Variants in ZNF91 observed in about 807,000 individuals in gnomAD.
ZNF91 encodes the protein zinc finger protein 91 (HPF7, HTF10).
In ZNF91, 7 loss-of-function variants were observed where a neutral mutation model predicts 12.6. That is an observed-to-expected ratio of 0.55 (90% CI 0.31 to 1.04). The LOEUF is 1.04. Ranked by LOEUF, ZNF91 falls within the 50% of genes least tolerant of loss-of-function variation. The pLI, the probability that ZNF91 is intolerant of heterozygous loss-of-function variation, is 0.05. For missense variants in ZNF91, 1,217 were observed against 1,385.4 expected (o/e 0.88, Z 1.93); for synonymous variants, 453 against 462.6 (o/e 0.98, Z 0.27).
intron 3 of ZNF91, among the ~76,000 whole-genome samples, chr19:23,368,548 C>CTATATATA (rs1197913888): frequency 1.4e-5 from 1 of 73,622 alleles, no homozygotes; most frequent in Admixed American, 1.2e-4. Flanking sequence ...CTCTCTCTCT[C>CTATATATA]TCTCTCTCTC....
chr19:23,340,781 AAACT>A (rs1479557125), intron 3 of ZNF91, among the ~76,000 whole-genome samples: 2 of 147,730 alleles, frequency 1.4e-5, no homozygotes, highest in Admixed American at 6.7e-5. Context: ...AATGGAAATC[AAACT>A]AAAAGTTTTG....
intron 1 of ZNF91, among the ~76,000 whole-genome samples, chr19:23,330,840 G>C (rs1967916648): frequency 6.6e-6 from 1 of 152,112 alleles, no homozygotes; most frequent in Non-Finnish European, 1.5e-5. Flanking sequence ...AAATAACTCA[G>C]AGTTTTTGCC....
chr19:23,388,264 A>G (rs1969942604), intron 1 of ZNF91, among the ~76,000 whole-genome samples: 1 of 152,074 alleles, frequency 6.6e-6, no homozygotes, highest in Non-Finnish European at 1.5e-5. Flanking sequence ...AATAAAATAT[A>G]TAATAAAAAA....
Position 23,359,734 on chromosome 19 carries a change from T to C in ZNF91, c.3245A>G (p.Glu1082Gly), listed in dbSNP as rs929618422. The C allele has an allele frequency of 6.8e-6, 11 of 1,614,068 alleles. No individual in the cohort carries two copies. The highest frequency in any genetic ancestry group is 7.6e-6 in the Non-Finnish European group (9 of 1,180,026). ...HTREKPYKCE[E>G]CGKAFSQSST... ...AGATTGGCTAAATGCTTTGCCACATTCTTCACATTTGTAGGGTTTCTCTCT... is the reference window on the plus strand; with the variant it reads ...AGATTGGCTAAATGCTTTGCCACATCCTTCACATTTGTAGGGTTTCTCTCT... Residue 1082 changes from glutamate to glycine, a missense_variant, in exon 4 of 4, where the codon GAA (glutamate) becomes GGA (glycine). Transcript: ENST00000300619.
chr19:23,322,723 C>T (rs935608725), intron 1 of ZNF91, among the ~76,000 whole-genome samples: 10 of 139,898 alleles, frequency 7.1e-5, no homozygotes, highest in Non-Finnish European at 1.1e-4. Flanking sequence ...CTCCTCCTCT[C>T]CTCATCTCTT....
At chr19:23,378,621 C>T (rs1969588590) in intron 1 of ZNF91, among the ~76,000 whole-genome samples, 1 of 152,054 alleles carries the variant, frequency 6.6e-6, no homozygotes, top group African/African-American at 2.4e-5. Context: ...GTATTCTTAG[C>T]AGGGCATAAA....
upstream of ZNF91, among the ~76,000 whole-genome samples, chr19:23,313,217 C>T (rs1452751639): frequency 1.3e-5 from 2 of 152,224 alleles, no homozygotes; most frequent in Non-Finnish European, 2.9e-5. Flanking sequence ...CTGGCCAGCA[C>T]CTGAGTGATT....
intron 3 of ZNF91, among the ~76,000 whole-genome samples, chr19:23,368,562 C>CTCTATATA (rs768532900): frequency 6.6e-4 from 78 of 118,610 alleles, no homozygotes; most frequent in East Asian, 2.5e-3. Context: ...CTCTCTCTCT[C>CTCTATATA]TATATATATA....
downstream of ZNF91, among the ~76,000 whole-genome samples, chr19:23,336,261 A>C (rs1968005681): frequency 6.6e-6 from 1 of 152,228 alleles, no homozygotes; most frequent in Non-Finnish European, 1.5e-5. Flanking sequence ...GTTTAGGAGC[A>C]GAGGTTTAAT....
At chr19:23,317,109 G>A (rs1967579578) in intron 1 of ZNF91, among the ~76,000 whole-genome samples, 1 of 151,666 alleles carries the variant, frequency 6.6e-6, no homozygotes, top group Non-Finnish European at 1.5e-5. Context: ...GCAGTGGCGC[G>A]ATCTTGGCTC....
downstream of ZNF91, among the ~76,000 whole-genome samples, chr19:23,336,580 C>A (rs1179094998): frequency 6.6e-6 from 1 of 152,192 alleles, no homozygotes; most frequent in East Asian, 1.9e-4. Flanking sequence ...CAGGTAGCTC[C>A]TTTTCCTATT....
chr19:23,308,281 G>A (rs1056034245), intron 2 of ZNF91: 1 of 152,088 alleles, frequency 6.6e-6, no homozygotes, highest in African/African-American at 2.4e-5. Context: ...ATACCCACAG[G>A]AAAGATTATA....
At chr19:23,376,534 C>T (rs1969510797) in intron 1 of ZNF91, among the ~76,000 whole-genome samples, 1 of 152,028 alleles carries the variant, frequency 6.6e-6, no homozygotes, top group African/African-American at 2.4e-5. Context: ...TGATTACAGG[C>T]ATGCATCACC....
At chr19:23,369,860 A>AAC (rs1327935444) in intron 3 of ZNF91, among the ~76,000 whole-genome samples, 1 of 151,406 alleles carries the variant, frequency 6.6e-6, no homozygotes, top group Non-Finnish European at 1.5e-5. Context: ...CAGGGACACA[A>AAC]ACACTGCGGA....
Position 23,395,463 on chromosome 19 carries a change from G to A in ZNF91, c.-109C>T, listed in dbSNP as rs967236617. On this transcript the variant is annotated 5_prime_UTR_variant, in exon 1 of 4. Coordinates refer to ENST00000300619, the MANE Select transcript of ZNF91 (RefSeq NM_003430.4). ...TCGAGACCTGGAAACTCCGGCGGCA[G>A]CGAGAGACAAAGGCCCAGCCACATC... 282 of 1,383,272 alleles carry A rather than the reference G, an allele frequency of 2.0e-4. 1 individual carries two copies. Among genetic ancestry groups the A allele is most frequent in the Non-Finnish European group, 2.7e-4 (274 of 999,932 alleles). 85.7% of individuals were successfully genotyped at this position (1,383,272 alleles called of 1,614,324 possible). A position where few individuals can be genotyped will look rare whatever the true frequency, so the allele number is the denominator to read the frequency against.
intron 1 of ZNF91, among the ~76,000 whole-genome samples, chr19:23,390,559 T>C (rs1970031249): frequency 6.6e-6 from 1 of 152,168 alleles, no homozygotes; most frequent in Admixed American, 6.5e-5. Context: ...GGTTTCACCA[T>C]GTTGGCCAGG....
At chr19:23,323,189 T>C (rs1223798383) in intron 1 of ZNF91, among the ~76,000 whole-genome samples, 1 of 148,510 alleles carries the variant, frequency 6.7e-6, no homozygotes, top group Non-Finnish European at 1.5e-5. Flanking sequence ...CTCCTTCTCC[T>C]ATCCACATTC....
chr19:23,378,297 G>A (rs1357777680), intron 1 of ZNF91, among the ~76,000 whole-genome samples: 1 of 152,168 alleles, frequency 6.6e-6, no homozygotes, highest in Non-Finnish European at 1.5e-5. Context: ...AGTTAGTTCT[G>A]CGAGGCAAAA....
downstream of ZNF91, among the ~76,000 whole-genome samples, chr19:23,336,171 G>C (rs1968004542): frequency 6.6e-6 from 1 of 152,098 alleles, no homozygotes. Flanking sequence ...TAATGAAGTG[G>C]AATCACTTGT....
Sources: gnomAD v4.1 joint callset for allele counts (sites outside exome capture counted in the v4.1 genomes callset) on GRCh38, gnomAD v4.1.1 for gene constraint, MANE v1.5 for transcripts, NCBI Gene and HGNC (gene_info 2026-07-23, HGNC 2026-07-21) for gene names.